CUL2: variants seen among roughly 807,000 people sequenced by gnomAD.
CUL2 encodes the protein cullin-2.
In CUL2, 22 loss-of-function variants were observed where a neutral mutation model predicts 110.2. The ratio of observed to expected loss-of-function variants is 0.20; its 90% CI spans 0.14 to 0.28. The LOEUF (loss-of-function observed/expected upper bound fraction) is 0.28. CUL2 is among the 10% of genes least tolerant of loss of function. The pLI, the probability that CUL2 is intolerant of heterozygous loss-of-function variation, is 1.00. For missense variants in CUL2, 631 were observed against 905.5 expected, an observed-to-expected ratio of 0.70 and a Z score of 3.89; for synonymous variants, 279 against 293.2, an observed-to-expected ratio of 0.95 and a Z score of 0.49.
chr10:35,119,496 A>C (rs1475841180), intron 1 of CUL2, among the ~76,000 whole-genome samples: 1 of 152,108 alleles, frequency 6.6e-6, no homozygotes, highest in African/African-American at 2.4e-5. Context: ...CCCAGATTTT[A>C]AAACAAATAT....
intron 16 of CUL2, among the ~76,000 whole-genome samples, chr10:35,026,990 C>G (rs2085351832): frequency 6.6e-6 from 1 of 151,876 alleles, no homozygotes; most frequent in African/African-American, 2.4e-5. Context: ...CCCCCTCCTC[C>G]CAGACTAAAC....
At chr10:35,050,219 G>C (rs2086066182) in intron 5 of CUL2, among the ~76,000 whole-genome samples, 1 of 152,032 alleles carries the variant, frequency 6.6e-6, no homozygotes, top group Non-Finnish European at 1.5e-5. Context: ...TACTCGGGAG[G>C]CTGAGGCAGG....
chr10:35,039,128 G>C (rs370232235), intron 8 of CUL2, 46 bp from the exon 9 acceptor site: 1 of 1,299,266 alleles, frequency 7.7e-7, no homozygotes, highest in Non-Finnish European at 1.0e-6. Context: ...GTTTTACTAT[G>C]AGGAAAAATC....
intron 1 of CUL2, chr10:35,074,456 C>T: frequency 1.8e-6 from 1 of 568,960 alleles, no homozygotes. Flanking sequence ...CTGCCCCCTC[C>T]ACCCATTCCA....
intron 1 of CUL2, among the ~76,000 whole-genome samples, chr10:35,106,968 T>G (rs2087466218): frequency 1.3e-5 from 2 of 151,930 alleles, no homozygotes; most frequent in South Asian, 4.2e-4. Context: ...TTTGTTGTTT[T>G]TTTGTTTGTT....
intron 8 of CUL2, among the ~76,000 whole-genome samples, chr10:35,041,533 G>T (rs1264526656): frequency 1.4e-5 from 2 of 138,898 alleles, no homozygotes; most frequent in Admixed American, 1.4e-4. Flanking sequence ...CCTGAAATGA[G>T]CTTTTCTTTT....
intron 2 of CUL2, among the ~76,000 whole-genome samples, chr10:35,069,395 G>T (rs1330341934): frequency 2.0e-5 from 3 of 151,984 alleles, no homozygotes; most frequent in African/African-American, 7.2e-5. Flanking sequence ...TTAAAAATCA[G>T]CCAGGTGTGG....
intron 1 of CUL2, among the ~76,000 whole-genome samples, chr10:35,073,585 C>CTTTTT (rs889592586): frequency 2.1e-5 from 3 of 145,658 alleles, no homozygotes; most frequent in African/African-American, 7.6e-5. Flanking sequence ...CTTTTCTTTT[C>CTTTTT]TTTTTTTTTT....
intron 4 of CUL2, among the ~76,000 whole-genome samples, chr10:35,057,078 C>G (rs186030903): frequency 1.3e-5 from 2 of 152,308 alleles, no homozygotes; most frequent in Middle Eastern, 6.8e-3. Context: ...CAGAATTCTA[C>G]AGGAGCTTCC....
chr10:35,109,476 A>C (rs1372238160), intron 1 of CUL2, among the ~76,000 whole-genome samples: 1 of 152,224 alleles, frequency 6.6e-6, no homozygotes, highest in Admixed American at 6.5e-5. Context: ...AATGAATGAC[A>C]AAGATAATTT....
At chr10:35,077,870 G>A (rs1272246814) in intron 1 of CUL2, among the ~76,000 whole-genome samples, 1 of 151,400 alleles carries the variant, frequency 6.6e-6, no homozygotes, top group South Asian at 2.1e-4. Flanking sequence ...TATATTTACA[G>A]ATGTAATGAT....
chr10:35,012,799 A>C (rs1001046530), intron 19 of CUL2, among the ~76,000 whole-genome samples: 2 of 152,202 alleles, frequency 1.3e-5, no homozygotes, highest in African/African-American at 4.8e-5. Flanking sequence ...ATCCTGCATC[A>C]GCCCAAGGAC....
chr10:35,058,325 A>G (rs1266668787), intron 4 of CUL2, among the ~76,000 whole-genome samples: 1 of 152,160 alleles, frequency 6.6e-6, no homozygotes, highest in African/African-American at 2.4e-5. Context: ...GTGTCGAAAC[A>G]TTATATATTA....
intron 17 of CUL2, among the ~76,000 whole-genome samples, chr10:35,021,262 CTT>C (rs35593540): frequency 4.1e-5 from 6 of 144,782 alleles, no homozygotes; most frequent in Non-Finnish European, 4.5e-5. Flanking sequence ...TTCTTTCTTT[CTT>C]TTTTTTTTTT....
intron 1 of CUL2, among the ~76,000 whole-genome samples, chr10:35,124,254 T>C (rs1009145472): frequency 6.6e-6 from 1 of 151,842 alleles, no homozygotes; most frequent in Non-Finnish European, 1.5e-5. Context: ...TCAAGTAGAA[T>C]GAAAAATGAG....
At position 35,059,458 on chromosome 10, in the gene CUL2, A is replaced by T. The variant is rs1018151470; in HGVS notation, c.317+1416T>A. Reference sequence around the variant, plus strand: ...GCTGAAGGCTCAAATGATCAACAGCATTTTTTTTAGCAATAAAGTAATTTT... The same window carrying T: ...GCTGAAGGCTCAAATGATCAACAGCTTTTTTTTTAGCAATAAAGTAATTTT... On this transcript the variant is annotated intron_variant, in intron 4 of 20. Coordinates refer to ENST00000374749, the MANE Select transcript of CUL2 (RefSeq NM_003591.4). 3.9e-5 allele frequency among the ~76,000 whole-genome samples: 6 copies of T among 151,930 alleles called. No individual in the cohort carries two copies. In the South Asian group the frequency reaches 1.0e-3, roughly 26 times the overall value.
intron 6 of CUL2, among the ~76,000 whole-genome samples, 177 bp downstream of exon 6, chr10:35,049,500 AAAGAAG>A (rs10539398): frequency 7.3e-5 from 11 of 151,262 alleles, no homozygotes; most frequent in African/African-American, 1.7e-4. Flanking sequence ...AAAAAAAAAG[AAAGAAG>A]AAGAAGAAGA....
At chr10:35,109,280 G>A (rs953539960) in intron 1 of CUL2, among the ~76,000 whole-genome samples, 1 of 152,104 alleles carries the variant, frequency 6.6e-6, no homozygotes, top group African/African-American at 2.4e-5. Context: ...AAACCTGACC[G>A]TCATTTCAAC....
intron 1 of CUL2, among the ~76,000 whole-genome samples, chr10:35,106,960 T>G (rs887301872): frequency 3.3e-5 from 5 of 150,886 alleles, no homozygotes; most frequent in African/African-American, 9.7e-5. Flanking sequence ...TGTTTTTTTT[T>G]GTTGTTTTTT....
Sources: allele counts gnomAD v4.1 joint callset (sites outside exome capture counted in the v4.1 genomes callset), GRCh38; gene constraint gnomAD v4.1.1; transcripts MANE v1.5; gene names NCBI Gene and HGNC (gene_info 2026-07-23, HGNC 2026-07-21).